The following HSD17B2 variants were observed in gnomAD, a reference collection of about 807,000 sequenced individuals.
HSD17B2 encodes 17-beta-hydroxysteroid dehydrogenase type 2.
A neutral mutation model predicts 26.9 loss-of-function variants in HSD17B2; 32 were observed. The ratio of observed to expected loss-of-function variants is 1.19; its 90% CI spans 0.90 to 1.60. The LOEUF is 1.60. Among genes scored for constraint, HSD17B2 ranks in the 40% most tolerant of loss-of-function variants. The pLI, the probability that HSD17B2 is intolerant of heterozygous loss-of-function variation, is 0.00. For missense variants in HSD17B2, 613 were observed against 468.6 expected (o/e 1.31, Z -2.85); for synonymous variants, 246 against 186.7 (o/e 1.32, Z -2.59).
At chr16:82,037,754 G>A (rs1264409727) in intron 1 of HSD17B2, among the ~76,000 whole-genome samples, 1 of 152,224 alleles carries the variant, frequency 6.6e-6, no homozygotes, top group African/African-American at 2.4e-5. Flanking sequence ...CACAAGGACT[G>A]TGTTACATGG....
intron 2 of HSD17B2, chr16:82,070,697 T>G: frequency 1.9e-6 from 1 of 513,556 alleles, no homozygotes; most frequent in Non-Finnish European, 3.4e-6. Flanking sequence ...TAGTAAATTC[T>G]GAAGAGTTTC....
At chr16:82,049,718 C>G (rs1037565298) in intron 1 of HSD17B2, among the ~76,000 whole-genome samples, 3 of 152,210 alleles carry the variant, frequency 2.0e-5, no homozygotes, top group African/African-American at 7.2e-5. Flanking sequence ...TACAAGAACA[C>G]CCAAGACTAC....
chr16:82,058,873 A>G (rs1914352705), intron 1 of HSD17B2, among the ~76,000 whole-genome samples: 2 of 152,212 alleles, frequency 1.3e-5, no homozygotes, highest in Non-Finnish European at 1.5e-5. Context: ...CCAGGGAGCG[A>G]GTACAGGGCA....
rs1294041396 is a variant in HSD17B2, at chr16:82,035,558, G to T, written c.134G>T (p.Cys45Phe). 6.2e-7 allele frequency: 1 copy of T among 1,614,066 alleles called. No homozygotes were observed. Among genetic ancestry groups the T allele is most frequent in the African/African-American group, 1.3e-5 (1 of 75,042 alleles). The change falls in exon 1 of 5, where the codon TGT becomes TTT. Residue 45 changes from cysteine to phenylalanine, a missense_variant. Cys to Phe is a radical substitution (Grantham distance 205). Coordinates refer to ENST00000199936, the MANE Select transcript of HSD17B2 (RefSeq NM_002153.3). ...WSWMVCLAGL[C>F]AVCLLILSPF... ...TGGATGGTCTGCCTGGCAGGCCTCTGTGCAGTCTGCCTGCTCATCCTGTCC... is the reference window on the plus strand; with the variant it reads ...TGGATGGTCTGCCTGGCAGGCCTCTTTGCAGTCTGCCTGCTCATCCTGTCC...
rs1438464976 is a variant in HSD17B2, at chr16:82,074,875, T to G, written c.664+3748T>G. On this transcript the variant is annotated intron_variant, in intron 3 of 4. Coordinates refer to ENST00000199936, the MANE Select transcript of HSD17B2 (RefSeq NM_002153.3). ...ACCTAATTGTTATTTACAGAACACT[T>G]CATCCAAAGGCTGCAGAATATGCAT... 4.6e-5 allele frequency among the ~76,000 whole-genome samples: 7 copies of G among 152,324 alleles called. No individual in the cohort carries two copies. In the East Asian group the frequency reaches 1.2e-3, roughly 25 times the overall value.
At position 82,044,266 on chromosome 16, in the gene HSD17B2, T is replaced by C. The variant is rs1389388115; in HGVS notation, c.265+8577T>C. The stretch of plus-strand genomic sequence containing the variant: ...TTCTTCACCACATGCTGTTGCTTTG[T>C]TTGGTGGGGTCAGTCCCTAAACAGA... On this transcript the variant is annotated intron_variant, in intron 1 of 4. Transcript: ENST00000199936. 2.6e-5 allele frequency: 4 copies of C among 152,220 alleles called. No individual in the cohort carries two copies. The East Asian group carries it at 5.8e-4, about 22-fold the overall frequency. 9.4% of individuals were successfully genotyped at this position (152,220 alleles called of 1,614,324 possible).
chr16:82,072,404 A>T (rs1914718047), intron 3 of HSD17B2, among the ~76,000 whole-genome samples: 1 of 152,200 alleles, frequency 6.6e-6, no homozygotes, highest in Non-Finnish European at 1.5e-5. Flanking sequence ...CTTAGCCTTT[A>T]CAATTTTGGC....
At chr16:82,084,453 A>C (rs1904465586) in intron 3 of HSD17B2, among the ~76,000 whole-genome samples, 1 of 152,166 alleles carries the variant, frequency 6.6e-6, no homozygotes. Context: ...TTGAGTGCTT[A>C]GCACAGTTAC....
chr16:82,091,342 T>C (rs1462075911), intron 4 of HSD17B2: 5 of 392,800 alleles, frequency 1.3e-5, no homozygotes, highest in African/African-American at 4.1e-5. Context: ...TCAGTGTCCA[T>C]GCAGAGGGGC....
At chr16:82,071,150 G>A (rs367647331) in intron 3 of HSD17B2, 23 bp downstream of exon 3, 6 of 1,609,252 alleles carry the variant, frequency 3.7e-6, no homozygotes, top group Non-Finnish European at 4.3e-6. Context: ...TTTCACACAT[G>A]GTCATGGGGT....
At chr16:82,091,136 T>C (rs1418585694) in intron 4 of HSD17B2, 97 bp downstream of exon 4, 4 of 1,184,348 alleles carry the variant, frequency 3.4e-6, no homozygotes, top group Admixed American at 3.4e-5. Flanking sequence ...CCCTCATTGT[T>C]GTCAAAGATG....
At chr16:82,059,649 TGAATGAATGAGGGAACAAAA>T (rs1914376518) in intron 1 of HSD17B2, among the ~76,000 whole-genome samples, 1 of 152,120 alleles carries the variant, frequency 6.6e-6, no homozygotes. Context: ...CAATGATATC[TGAATGAATGAGGGAACAAAA>T]GAATGAAGGT....
intron 1 of HSD17B2, among the ~76,000 whole-genome samples, chr16:82,049,024 G>C (rs8191088): frequency 0.02 from 3,080 of 152,256 alleles, 121 homozygotes; most frequent in African/African-American, 0.071. Context: ...GGCTGGAACA[G>C]GTAGTCCCAT....
At chr16:82,044,423 G>C (rs1913856297) in intron 1 of HSD17B2, 1 of 152,268 alleles carries the variant, frequency 6.6e-6, no homozygotes, top group Admixed American at 6.5e-5. Context: ...AGGCAAGGTC[G>C]AAAAGTCTCA....
At chr16:82,091,443 G>T (rs970768413) in intron 4 of HSD17B2, 1 of 232,882 alleles carries the variant, frequency 4.3e-6, no homozygotes, top group Admixed American at 5.3e-5. Flanking sequence ...TGATGATTCA[G>T]TTCCAAAGGA....
intron 3 of HSD17B2, among the ~76,000 whole-genome samples, chr16:82,089,990 G>A (rs569953423): frequency 6.6e-6 from 1 of 152,124 alleles, no homozygotes; most frequent in Non-Finnish European, 1.5e-5. Flanking sequence ...CTCAGTTTAA[G>A]GCTCAATCTC....
At chr16:82,097,242 CTA>C (rs1768312484) in intron 4 of HSD17B2, 2 of 134,486 alleles carry the variant, frequency 1.5e-5, no homozygotes, top group African/African-American at 2.6e-5. Flanking sequence ...ATGTCTATGT[CTA>C]TGTCTATGTC....
intron 3 of HSD17B2, among the ~76,000 whole-genome samples, chr16:82,086,109 C>A (rs747088016): frequency 6.6e-6 from 1 of 152,074 alleles, no homozygotes; most frequent in Admixed American, 6.6e-5. Flanking sequence ...TGTGACCTAG[C>A]AATTCTACTC....
chr16:82,066,502 C>T (rs1399237196), intron 1 of HSD17B2, among the ~76,000 whole-genome samples: 1 of 152,154 alleles, frequency 6.6e-6, no homozygotes, highest in African/African-American at 2.4e-5. Context: ...TTCTAATTAG[C>T]ATAGCCTTTA....
Sources: gnomAD v4.1 joint callset for allele counts (sites outside exome capture counted in the v4.1 genomes callset) on GRCh38, gnomAD v4.1.1 for gene constraint, MANE v1.5 for transcripts, NCBI Gene and HGNC (gene_info 2026-07-23, HGNC 2026-07-21) for gene names.